Variants in CHRDL2 observed in about 807,000 individuals in gnomAD.
CHRDL2 encodes chordin-like protein 2.
A neutral mutation model predicts 54.3 loss-of-function variants in CHRDL2; 41 were observed. The ratio of observed to expected loss-of-function variants is 0.76; its 90% confidence interval spans 0.59 to 0.98. The LOEUF is 0.98. CHRDL2 is among the 50% of genes least tolerant of loss of function. The pLI is 0.00. For synonymous variants in CHRDL2, 220 were observed against 224.3 expected, an observed-to-expected ratio of 0.98 and a Z score of 0.17; for missense variants, 518 against 562.4, an observed-to-expected ratio of 0.92 and a Z score of 0.80.
chr11:74,705,374 C>T (rs534214932), intron 6 of CHRDL2, among the ~76,000 whole-genome samples: 85 of 152,272 alleles, frequency 5.6e-4, no homozygotes, highest in African/African-American at 1.9e-3. Context: ...TTACCTCCCT[C>T]GCTGACCTGG....
intron 5 of CHRDL2, among the ~76,000 whole-genome samples, chr11:74,707,620 C>G (rs903806966): frequency 2.0e-5 from 3 of 152,132 alleles, no homozygotes; most frequent in Non-Finnish European, 4.4e-5. Flanking sequence ...CTAGACCCCT[C>G]TCACGTGCCA....
Position 74,703,289 on chromosome 11 carries a change from C to T in CHRDL2, c.946+16G>A. On this transcript the variant is annotated intron_variant, in intron 8 of 10. Transcript: ENST00000376332. ...CTCTGGCCAGCGCCCTCCTTGCTCC[C>T]AGTGCCCCTGTGTACCTGGGCAAAT... 1 of 1,580,110 alleles carries T rather than the reference C, an allele frequency of 6.3e-7. No individual in the cohort carries two copies. The highest frequency in any genetic ancestry group is 8.6e-7 in the Non-Finnish European group (1 of 1,160,280).
intron 9 of CHRDL2, among the ~76,000 whole-genome samples, chr11:74,699,922 A>C (rs910561614): frequency 6.6e-6 from 1 of 152,230 alleles, no homozygotes; most frequent in Non-Finnish European, 1.5e-5. Flanking sequence ...TGCTAGTGAC[A>C]GGATGGCAGG....
At chr11:74,702,474 C>T (rs1410360332) in intron 9 of CHRDL2, among the ~76,000 whole-genome samples, 1 of 152,166 alleles carries the variant, frequency 6.6e-6, no homozygotes, top group Admixed American at 6.5e-5. Flanking sequence ...GAGAAGACCC[C>T]CGCTCCCAGT....
intron 1 of CHRDL2, among the ~76,000 whole-genome samples, chr11:74,727,035 TC>T (rs2034583673): frequency 1.3e-5 from 2 of 152,126 alleles, no homozygotes; most frequent in African/African-American, 4.8e-5. Flanking sequence ...CCCTCCCACA[TC>T]CCTATTCCAA....
At chr11:74,722,813 G>A (rs571213213) in intron 1 of CHRDL2, among the ~76,000 whole-genome samples, 1 of 152,226 alleles carries the variant, frequency 6.6e-6, no homozygotes, top group South Asian at 2.1e-4. Flanking sequence ...ACAGACCTTG[G>A]GCGGGGATAC....
Position 74,703,354 on chromosome 11 carries a change from G to A in CHRDL2, c.897C>T (p.Pro299=). 6.2e-7 allele frequency: 1 copy of A among 1,613,192 alleles called. No homozygotes were observed. Among genetic ancestry groups the A allele is most frequent in the South Asian group, 1.1e-5 (1 of 91,020 alleles). Residue 299 remains proline, a synonymous_variant, in exon 8 of 11, where the codon CCC becomes CCT. Coordinates refer to ENST00000376332, the MANE Select transcript of CHRDL2 (RefSeq NM_001278473.3). ...CQRVTCPTEY[P]CRHPEKVAGK... ...CAGCCACTTTCTCGGGGTGACGGCA[G>A]GGGTACTCGGTGGGACAGGTCACAC...
intron 9 of CHRDL2, among the ~76,000 whole-genome samples, chr11:74,697,938 T>C (rs2033656843): frequency 2.6e-5 from 4 of 152,198 alleles, no homozygotes; most frequent in Admixed American, 2.6e-4. Context: ...GTGGCAGAGT[T>C]ACAGTGGCTT....
At chr11:74,699,534 G>T (rs190607323) in intron 9 of CHRDL2, 1 of 152,352 alleles carries the variant, frequency 6.6e-6, no homozygotes, top group Non-Finnish European at 1.5e-5. Context: ...AGGAGTGGGG[G>T]TATGTACAGT....
chr11:74,700,048 G>T (rs775236469), intron 9 of CHRDL2, among the ~76,000 whole-genome samples: 1 of 152,252 alleles, frequency 6.6e-6, no homozygotes, highest in Non-Finnish European at 1.5e-5. Context: ...CTCCCTAAAA[G>T]CACGAGGTCA....
chr11:74,727,811 A>G (rs979989929), intron 1 of CHRDL2, among the ~76,000 whole-genome samples: 42 of 152,060 alleles, frequency 2.8e-4, no homozygotes, highest in African/African-American at 1.0e-3. Flanking sequence ...TAGGGAAGAG[A>G]ACCAAAGAGA....
At chr11:74,700,619 T>A (rs976055451) in intron 9 of CHRDL2, among the ~76,000 whole-genome samples, 1 of 127,664 alleles carries the variant, frequency 7.8e-6, no homozygotes, top group Non-Finnish European at 1.8e-5. Flanking sequence ...ATGGAATCTT[T>A]TTTTTATTAT....
chr11:74,698,256 T>G (rs2033672899), intron 9 of CHRDL2: 2 of 108,448 alleles, frequency 1.8e-5, no homozygotes, highest in Admixed American at 1.8e-4. Flanking sequence ...GTATTTTTAG[T>G]AGAGACTGGG....
chr11:74,706,284 C>A (rs112835621), intron 6 of CHRDL2, among the ~76,000 whole-genome samples: 2 of 152,110 alleles, frequency 1.3e-5, no homozygotes, highest in Non-Finnish European at 2.9e-5. Context: ...CCCCAGGCCA[C>A]TCCTTATCCA....
In CHRDL2 at chr11:74,702,678, C is replaced by A. The variant is rs532838254; in HGVS notation, c.1120+116G>T. On this transcript the variant is annotated intron_variant, in intron 9 of 10. Coordinates refer to ENST00000376332, the MANE Select transcript of CHRDL2 (RefSeq NM_001278473.3). ...TGGAATCAGGGGCTCTTAAACCTGG[C>A]GGGGCAGCCAGAGGCACCTGATCAG... 2.6e-4 allele frequency: 259 copies of A among 1,003,278 alleles called. No homozygotes were observed. The Middle Eastern group carries it at 3.4e-3, about 13-fold the overall frequency. 62.1% of individuals were successfully genotyped at this position (1,003,278 alleles called of 1,614,324 possible). A position where few individuals can be genotyped will look rare whatever the true frequency, so the allele number is the denominator to read the frequency against.
chr11:74,706,666 C>G, intron 5 of CHRDL2, 124 bp from the exon 6 acceptor site: 2 of 826,672 alleles, frequency 2.4e-6, no homozygotes, highest in Non-Finnish European at 4.0e-6. Flanking sequence ...GCAGCCCCAG[C>G]CCACTAGCCA....
chr11:74,710,616 G>GTTTC (rs372817176), intron 4 of CHRDL2, among the ~76,000 whole-genome samples: 4,431 of 152,320 alleles, frequency 0.029, 216 homozygotes, highest in African/African-American at 0.1. Context: ...CTCAAGGAAT[G>GTTTC]CAGCGTCTAC....
chr11:74,700,416 CA>C (rs1460341542), intron 9 of CHRDL2, among the ~76,000 whole-genome samples: 1 of 152,004 alleles, frequency 6.6e-6, no homozygotes. Context: ...CTCTTTACAT[CA>C]TTGAGGCCCA....
rs140186854 is a variant in CHRDL2, at chr11:74,701,306, T to C, written c.1120+1488A>G. The C allele has an allele frequency of 1.8e-3, 635 of 355,374 alleles. 2 individuals are homozygous for C. Among genetic ancestry groups the C allele is most frequent in the Admixed American group, 3.3e-3 (72 of 21,998 alleles). The allele number at this position is 355,374 out of a possible 1,614,324, so 22.0% of individuals were successfully genotyped here. On this transcript the variant is annotated intron_variant, in intron 9 of 10. Coordinates refer to ENST00000376332, the MANE Select transcript of CHRDL2 (RefSeq NM_001278473.3). ...ACTGCCCAAGGCCACACAGCTAAGATATAGCAGAGTCTGGATTCAAACTGG... is the reference window on the plus strand; with the variant it reads ...ACTGCCCAAGGCCACACAGCTAAGACATAGCAGAGTCTGGATTCAAACTGG...
Sources: allele counts gnomAD v4.1 joint callset (sites outside exome capture counted in the v4.1 genomes callset), GRCh38; gene constraint gnomAD v4.1.1; transcripts MANE v1.5; gene names NCBI Gene and HGNC (gene_info 2026-07-23, HGNC 2026-07-21).